SNX25: variants seen among roughly 807,000 people sequenced by gnomAD.
SNX25 encodes sorting nexin-25.
SNX25 carries 62 observed loss-of-function variants against 113.7 expected under a neutral mutation model. The ratio of observed to expected loss-of-function variants is 0.55; its 90% CI spans 0.44 to 0.67. SNX25 has a LOEUF of 0.67. SNX25 is among the 30% of genes least tolerant of loss of function. The pLI is 0.00. For synonymous variants in SNX25, 421 were observed against 436.2 expected (o/e 0.97, Z 0.43); for missense variants, 1,014 against 1,161.0 (o/e 0.87, Z 1.84).
chr4:185,313,645 T>C (rs2095048206), intron 7 of SNX25, among the ~76,000 whole-genome samples: 1 of 152,190 alleles, frequency 6.6e-6, no homozygotes, highest in African/African-American at 2.4e-5. Context: ...CATTATGATA[T>C]GTATATTGTG....
downstream of SNX25, chr4:185,370,923 G>T: frequency 8.3e-7 from 1 of 1,197,738 alleles, no homozygotes; most frequent in Non-Finnish European, 1.2e-6. Flanking sequence ...TCTCTCTACT[G>T]CTTTGAGAAC....
intron 9 of SNX25, among the ~76,000 whole-genome samples, chr4:185,330,795 T>C (rs2095188999): frequency 6.6e-6 from 1 of 152,174 alleles, no homozygotes; most frequent in South Asian, 2.1e-4. Flanking sequence ...TACATTCTTT[T>C]TTTTTTAAGT....
intron 18 of SNX25, 126 bp downstream of exon 18, chr4:185,362,837 CTT>C (rs35348535): frequency 0.057 from 14,024 of 245,624 alleles, 1 homozygote; most frequent in Middle Eastern, 0.096. Flanking sequence ...TCTCCCTTGA[CTT>C]TTTTTTTTTT....
chr4:185,285,455 T>C (rs1751210996), intron 5 of SNX25, among the ~76,000 whole-genome samples: 1 of 152,214 alleles, frequency 6.6e-6, no homozygotes, highest in Non-Finnish European at 1.5e-5. Flanking sequence ...ACAACAAACA[T>C]GTATGTGATA....
intron 9 of SNX25, among the ~76,000 whole-genome samples, chr4:185,329,269 T>G (rs543366524): frequency 6.6e-6 from 1 of 152,294 alleles, no homozygotes; most frequent in East Asian, 1.9e-4. Flanking sequence ...ACCAAACGCT[T>G]TGGCTTTATG....
chr4:185,249,770 T>G (rs939173534), intron 2 of SNX25, among the ~76,000 whole-genome samples: 1 of 152,204 alleles, frequency 6.6e-6, no homozygotes, highest in African/African-American at 2.4e-5. Context: ...TGTGTAGAAT[T>G]TCCATTTGGT....
intron 14 of SNX25, among the ~76,000 whole-genome samples, chr4:185,351,846 C>T (rs890590916): frequency 6.6e-6 from 1 of 151,568 alleles, no homozygotes; most frequent in Non-Finnish European, 1.5e-5. Context: ...CTGCAGGAGC[C>T]CCGCTACACA....
intron 1 of SNX25, among the ~76,000 whole-genome samples, chr4:185,231,341 C>T (rs370046362): frequency 6.6e-6 from 1 of 151,658 alleles, no homozygotes; most frequent in African/African-American, 2.4e-5. Context: ...CATCGTGATC[C>T]ACCCGCCTCG....
intron 3 of SNX25, among the ~76,000 whole-genome samples, chr4:185,262,558 A>G (rs1204298997): frequency 6.6e-6 from 1 of 152,154 alleles, no homozygotes; most frequent in East Asian, 1.9e-4. Context: ...TGAGATTGAA[A>G]CAGAACAGGA....
intron 7 of SNX25, among the ~76,000 whole-genome samples, chr4:185,316,515 AG>A (rs1398330413): frequency 6.6e-6 from 1 of 152,166 alleles, no homozygotes; most frequent in Admixed American, 6.5e-5. Context: ...TCTTTTTGCA[AG>A]GTAGCACCCC....
intron 10 of SNX25, among the ~76,000 whole-genome samples, chr4:185,333,575 TAA>T (rs766954828): frequency 6.6e-6 from 1 of 152,158 alleles, no homozygotes; most frequent in Admixed American, 6.5e-5. Flanking sequence ...AATTTACAAT[TAA>T]AATATCTATT....
intron 6 of SNX25, among the ~76,000 whole-genome samples, chr4:185,303,703 G>C (rs980142947): frequency 2.0e-5 from 3 of 151,220 alleles, no homozygotes; most frequent in Non-Finnish European, 4.4e-5. Flanking sequence ...CACACAGTGG[G>C]CACACCCTGG....
At chr4:185,216,419 A>C (rs866939326) in intron 1 of SNX25, among the ~76,000 whole-genome samples, 17 of 152,134 alleles carry the variant, frequency 1.1e-4, no homozygotes, top group South Asian at 2.1e-4. Flanking sequence ...AATAGTGATA[A>C]CTTCAAAGTG....
At chr4:185,371,014 A>C, downstream of SNX25, 1 of 528,136 alleles carries the variant, frequency 1.9e-6, no homozygotes, top group South Asian at 2.9e-5. Flanking sequence ...TGGTGACTTC[A>C]CATGTCTCTG....
At position 185,346,661 on chromosome 4, in the gene SNX25, GA is replaced by G. The variant is rs1335703215; in HGVS notation, c.2301+16del. ...AATAAGTTTTTACAGGTAAGCAAGT[GA>G]AAAATGTGGGATATGAGAGAAAAAA... On this transcript the variant is annotated intron_variant, in intron 13 of 18. Coordinates refer to ENST00000652585, the MANE Select transcript of SNX25 (RefSeq NM_001378034.2). The G allele has an allele frequency of 6.7e-7, 1 of 1,502,764 alleles. No homozygotes were observed. Among genetic ancestry groups the G allele is most frequent in the South Asian group, 1.3e-5 (1 of 79,968 alleles). The allele number at this position is 1,502,764 out of a possible 1,614,324, so 93.1% of individuals were successfully genotyped here.
chr4:185,349,163 C>T (rs535602692), intron 13 of SNX25, among the ~76,000 whole-genome samples: 2 of 152,234 alleles, frequency 1.3e-5, no homozygotes, highest in South Asian at 4.1e-4. Flanking sequence ...CTAACCCTAA[C>T]GACAGCTGAT....
chr4:185,269,924 C>G (rs1338279064), intron 5 of SNX25, among the ~76,000 whole-genome samples: 1 of 152,114 alleles, frequency 6.6e-6, no homozygotes, highest in South Asian at 2.1e-4. Flanking sequence ...CTAGCACCAT[C>G]TGTTATTTTG....
intron 6 of SNX25, among the ~76,000 whole-genome samples, chr4:185,297,666 T>G (rs911718664): frequency 6.6e-6 from 1 of 152,092 alleles, no homozygotes; most frequent in South Asian, 2.1e-4. Flanking sequence ...ACTGGCAGAT[T>G]TGGTGTCTGA....
chr4:185,226,494 AG>A (rs1304720660), intron 1 of SNX25, among the ~76,000 whole-genome samples: 5 of 152,230 alleles, frequency 3.3e-5, no homozygotes, highest in African/African-American at 1.2e-4. Context: ...TGTGTTGCCC[AG>A]GCTGGGGTGC....
Sources: allele counts gnomAD v4.1 joint callset (sites outside exome capture counted in the v4.1 genomes callset), GRCh38; gene constraint gnomAD v4.1.1; transcripts MANE v1.5; gene names NCBI Gene and HGNC (gene_info 2026-07-23, HGNC 2026-07-21).